Variants in EYS observed in about 807,000 individuals in gnomAD.
EYS encodes the protein EGF-like photoreceptor maintenance factor, also known as protein eyes shut homolog.
EYS carries 250 observed loss-of-function variants against 282.1 expected under a neutral mutation model. The observed-to-expected ratio is 0.89, with a 90% confidence interval of 0.80 to 0.98. The LOEUF is 0.98. EYS is among the 50% of genes least tolerant of loss of function. The pLI is 0.00. For missense variants in EYS, 4,016 were observed against 3,709.0 expected, an observed-to-expected ratio of 1.08 and a Z score of -2.15; for synonymous variants, 1,355 against 1,282.9, an observed-to-expected ratio of 1.06 and a Z score of -1.20.
At chr6:64,354,034 T>G (rs1310837927) in intron 29 of EYS, among the ~76,000 whole-genome samples, 1 of 151,564 alleles carries the variant, frequency 6.6e-6, no homozygotes, top group Non-Finnish European at 1.5e-5. Context: ...ACTGCTCTTG[T>G]TGGTGGCAGA....
At chr6:65,271,842 C>T (rs537121542) in intron 12 of EYS, among the ~76,000 whole-genome samples, 2 of 152,120 alleles carry the variant, frequency 1.3e-5, no homozygotes, top group Non-Finnish European at 2.9e-5. Flanking sequence ...CCTCAGCCTC[C>T]CAAAGTGCTG....
chr6:64,658,840 G>T (rs1418268378), intron 22 of EYS, among the ~76,000 whole-genome samples: 1 of 152,132 alleles, frequency 6.6e-6, no homozygotes, highest in Non-Finnish European at 1.5e-5. Flanking sequence ...GAGACAGAAA[G>T]GTAACAAGGA....
intron 35 of EYS, among the ~76,000 whole-genome samples, chr6:63,864,758 T>C (rs566238057): frequency 1.1e-4 from 16 of 152,302 alleles, no homozygotes; most frequent in African/African-American, 3.9e-4. Context: ...AATTTTAAGC[T>C]GGTGATAAGC....
At chr6:65,123,582 G>A (rs1308452669) in intron 12 of EYS, among the ~76,000 whole-genome samples, 1 of 152,130 alleles carries the variant, frequency 6.6e-6, no homozygotes. Flanking sequence ...AATTGCAATT[G>A]AGGAAGGAAA....
chr6:65,410,107 T>G (rs577993123), intron 5 of EYS, among the ~76,000 whole-genome samples: 13 of 152,076 alleles, frequency 8.5e-5, no homozygotes, highest in Non-Finnish European at 1.5e-4. Flanking sequence ...ACATAAATAT[T>G]ATTTGAAATT....
chr6:65,409,212 T>C (rs1230841905), intron 5 of EYS, among the ~76,000 whole-genome samples: 1 of 152,174 alleles, frequency 6.6e-6, no homozygotes, highest in African/African-American at 2.4e-5. Context: ...TCTTTAAACT[T>C]GATTTCCTAG....
At chr6:65,240,026 T>C (rs1350707025) in intron 12 of EYS, among the ~76,000 whole-genome samples, 1 of 151,812 alleles carries the variant, frequency 6.6e-6, no homozygotes. Flanking sequence ...TGGAGTACAG[T>C]GGTGCCATCT....
chr6:65,643,569 T>C (rs1767350926), intron 1 of EYS, among the ~76,000 whole-genome samples: 1 of 152,162 alleles, frequency 6.6e-6, no homozygotes, highest in Non-Finnish European at 1.5e-5. Flanking sequence ...CTCCCTATAG[T>C]ACCACAGCTG....
chr6:63,895,905 G>GTTTTTTTTTTTT (rs10705427), intron 35 of EYS, among the ~76,000 whole-genome samples: 5 of 124,364 alleles, frequency 4.0e-5, no homozygotes, highest in African/African-American at 6.3e-5. Context: ...ATCATGATTT[G>GTTTTTTTTTTTT]TTTTTTTTTT....
chr6:65,227,027 G>A (rs929464982), intron 12 of EYS, among the ~76,000 whole-genome samples: 6 of 152,068 alleles, frequency 3.9e-5, no homozygotes, highest in Non-Finnish European at 7.4e-5. Flanking sequence ...CTGAGATCGG[G>A]AGTGAGAGAC....
intron 12 of EYS, among the ~76,000 whole-genome samples, chr6:65,194,549 G>C (rs1181358643): frequency 1.3e-5 from 2 of 151,906 alleles, no homozygotes; most frequent in Admixed American, 1.3e-4. Context: ...CTGGAAGCAG[G>C]CTTCATGTTC....
chr6:64,044,969 C>A (rs906195949), intron 33 of EYS, among the ~76,000 whole-genome samples: 2 of 152,076 alleles, frequency 1.3e-5, no homozygotes, highest in African/African-American at 4.8e-5. Flanking sequence ...GTATGTAGAA[C>A]ATTGTATATA....
intron 8 of EYS, among the ~76,000 whole-genome samples, chr6:65,363,657 A>G (rs1264584494): frequency 6.6e-6 from 1 of 151,912 alleles, no homozygotes; most frequent in Non-Finnish European, 1.5e-5. Flanking sequence ...TTGATAATTG[A>G]CGATTTAACT....
intron 29 of EYS, among the ~76,000 whole-genome samples, chr6:64,330,747 G>A (rs1288769479): frequency 1.3e-5 from 2 of 152,308 alleles, no homozygotes; most frequent in Admixed American, 1.3e-4. Flanking sequence ...CACCCTGTTG[G>A]AGCAGAGGGG....
intron 12 of EYS, among the ~76,000 whole-genome samples, chr6:65,162,374 A>C (rs983560726): frequency 6.6e-6 from 1 of 151,344 alleles, no homozygotes; most frequent in Non-Finnish European, 1.5e-5. Flanking sequence ...ATAGAGAGGA[A>C]AATCCTCGGT....
intron 2 of EYS, among the ~76,000 whole-genome samples, chr6:65,591,766 C>T (rs989559799): frequency 6.6e-6 from 1 of 151,996 alleles, no homozygotes; most frequent in Admixed American, 6.6e-5. Flanking sequence ...CGTTGGAAAA[C>T]CTCTGGGTCC....
intron 19 of EYS, among the ~76,000 whole-genome samples, chr6:64,883,272 A>G (rs1053086179): frequency 2.0e-5 from 3 of 151,514 alleles, no homozygotes; most frequent in African/African-American, 7.2e-5. Flanking sequence ...TTGCATGTGT[A>G]TATGAAACAT....
At chr6:64,288,438 G>A (rs1768577610) in intron 30 of EYS, among the ~76,000 whole-genome samples, 1 of 152,032 alleles carries the variant, frequency 6.6e-6, no homozygotes. Flanking sequence ...GTTTTCTAGA[G>A]ACTCAGACCA....
In EYS at chr6:64,098,757, C is replaced by T. The variant is rs150028510; in HGVS notation, c.6425-16755G>A. Among the ~76,000 whole-genome samples the T allele has an allele frequency of 6.8e-3, 1,039 of 151,934 alleles. 11 individuals carry two copies. The highest frequency in any genetic ancestry group is 0.023 in the African/African-American group (951 of 41,462). On this transcript the variant is annotated intron_variant, in intron 31 of 42. Coordinates refer to ENST00000503581, the MANE Select transcript of EYS (RefSeq NM_001142800.2). The stretch of plus-strand genomic sequence containing the variant: ...CTGGGACTAGAGGTGTGTGCCACCA[C>T]GCCCAGCTAATTTTTTGTACTTTTT...
Sources: allele counts gnomAD v4.1 joint callset (sites outside exome capture counted in the v4.1 genomes callset), GRCh38; gene constraint gnomAD v4.1.1; transcripts MANE v1.5; gene names NCBI Gene and HGNC (gene_info 2026-07-23, HGNC 2026-07-21).